SLC6A12: variants seen among roughly 807,000 people sequenced by gnomAD.
The protein encoded by SLC6A12 is solute carrier family 6 member 12.
SLC6A12 carries 50 observed loss-of-function variants against 73.3 expected under a neutral mutation model. That is an observed-to-expected ratio of 0.68 (90% CI 0.54 to 0.86). The LOEUF (loss-of-function observed/expected upper bound fraction) is 0.86. Ranked by LOEUF, SLC6A12 falls within the 40% of genes least tolerant of loss-of-function variation. The pLI is 0.00. For synonymous variants in SLC6A12, 304 were observed against 309.2 expected, an observed-to-expected ratio of 0.98 and a Z score of 0.18; for missense variants, 648 against 772.8, an observed-to-expected ratio of 0.84 and a Z score of 1.92.
At chr12:186,046 G>C (rs1021283434), downstream of SLC6A12, among the ~76,000 whole-genome samples, 9 of 152,210 alleles carry the variant, frequency 5.9e-5, no homozygotes, top group Admixed American at 2.6e-4. Flanking sequence ...CTCACAGCAA[G>C]GACAGGGTGA....
chr12:211,532 A>C (rs1324923794), intron 2 of SLC6A12, among the ~76,000 whole-genome samples: 3 of 152,208 alleles, frequency 2.0e-5, no homozygotes, highest in African/African-American at 7.2e-5. Context: ...GGGAGGAAAG[A>C]GAGCCTCTGG....
At chr12:210,287 C>G (rs148378141) in intron 2 of SLC6A12, 25 of 1,188,702 alleles carry the variant, frequency 2.1e-5, no homozygotes, top group Non-Finnish European at 2.7e-5. Flanking sequence ...GGAGTGGAAC[C>G]GTGATGAAAA....
chr12:204,702 C>T lies in SLC6A12; in HGVS notation c.215-4G>A, dbSNP rs1467834008. The stretch of plus-strand genomic sequence containing the variant: ...AAGTAGGGGATGAAGAAGGCTCCTG[C>T]AGAAGAGAGAGAGGCAGGGCTGAGC... On this transcript the variant is annotated splice_region_variant and splice_polypyrimidine_tract_variant and intron_variant, in intron 3 of 15. Transcript: ENST00000684302. The T allele has an allele frequency of 6.2e-7, 1 of 1,613,892 alleles. No homozygotes were observed. Among genetic ancestry groups the T allele is most frequent in the South Asian group, 1.1e-5 (1 of 91,066 alleles).
At chr12:197,167 A>C in intron 10 of SLC6A12, among the ~76,000 whole-genome samples, 1 of 90,166 alleles carries the variant, frequency 1.1e-5, no homozygotes. Flanking sequence ...CCATCCATCC[A>C]TCCATCCATC....
rs894436039 is a variant in SLC6A12 at position 195,164 on chromosome 12, C to G, written c.1429+61G>C. ...CGGCCTCCCCCAGGCAAAGCCTGCC[C>G]CTGGCTGGCTAGACGGTCTTTCTCC... On this transcript the variant is annotated intron_variant, in intron 13 of 15. Coordinates refer to ENST00000684302, the MANE Select transcript of SLC6A12 (RefSeq NM_001122848.3). The G allele has an allele frequency of 1.0e-5, 11 of 1,083,808 alleles. No homozygotes were observed. In the African/African-American group the frequency reaches 1.4e-4, roughly 14 times the overall value. The allele number at this position is 1,083,808 out of a possible 1,614,324, so 67.1% of individuals were successfully genotyped here.
intron 12 of SLC6A12, 114 bp from the exon 13 acceptor site, chr12:195,441 T>C (rs1009360228): frequency 1.6e-5 from 11 of 694,282 alleles, no homozygotes; most frequent in Non-Finnish European, 2.6e-5. Flanking sequence ...GCCTGTGGGA[T>C]GCCATTCCTT....
intron 10 of SLC6A12, 59 bp downstream of exon 10, chr12:197,318 A>G: frequency 6.5e-7 from 1 of 1,547,826 alleles, no homozygotes; most frequent in Non-Finnish European, 8.7e-7. Flanking sequence ...TCAGCAAGAG[A>G]GAAGTGTGTT....
At chr12:205,314 C>T (rs1940574160) in intron 3 of SLC6A12, among the ~76,000 whole-genome samples, 1 of 152,144 alleles carries the variant, frequency 6.6e-6, no homozygotes, top group African/African-American at 2.4e-5. Flanking sequence ...CAGTAGGAGT[C>T]ACTAAGGCAT....
At chr12:208,749 G>T (rs912615347) in intron 3 of SLC6A12, among the ~76,000 whole-genome samples, 1 of 152,094 alleles carries the variant, frequency 6.6e-6, no homozygotes, top group Non-Finnish European at 1.5e-5. Flanking sequence ...CGGGGATGAT[G>T]AAAATGTTCC....
chr12:193,400 AGT>A (rs1217693865), intron 13 of SLC6A12, 23 bp from the exon 14 acceptor site: 2 of 1,570,622 alleles, frequency 1.3e-6, no homozygotes, highest in Non-Finnish European at 1.8e-6. Context: ...GGCGTGGGAG[AGT>A]GTGAGAGCCA....
At chr12:196,517 C>T (rs536927115) in intron 11 of SLC6A12, among the ~76,000 whole-genome samples, 5 of 152,274 alleles carry the variant, frequency 3.3e-5, no homozygotes, top group East Asian at 1.9e-4. Context: ...CTGGGCAGCT[C>T]GAGCTGAAGG....
At chr12:210,311 T>A (rs1183748410) in intron 2 of SLC6A12, 1 of 1,201,820 alleles carries the variant, frequency 8.3e-7, no homozygotes, top group African/African-American at 1.6e-5. Context: ...AGGCTCGGGC[T>A]TTTCATTTTC....
downstream of SLC6A12, among the ~76,000 whole-genome samples, chr12:187,632 C>A (rs563195): frequency 0.12 from 11,228 of 94,866 alleles, 1,582 homozygotes; most frequent in African/African-American, 0.31. Flanking sequence ...AAAAAAAAAA[C>A]AAACCACACA....
chr12:211,483 C>G (rs929557228), intron 2 of SLC6A12, among the ~76,000 whole-genome samples: 1 of 152,176 alleles, frequency 6.6e-6, no homozygotes, highest in African/African-American at 2.4e-5. Context: ...AATCAGAGGC[C>G]TTGAGTCTCT....
chr12:210,261 C>T (rs1591808167), intron 2 of SLC6A12: 1 of 1,144,420 alleles, frequency 8.7e-7, no homozygotes, highest in Non-Finnish European at 1.2e-6. Context: ...TGAAGTGATT[C>T]ACCCAAGACC....
chr12:187,612 A>AC (rs1939457435), downstream of SLC6A12, among the ~76,000 whole-genome samples: 1 of 16,292 alleles, frequency 6.1e-5, no homozygotes, highest in Non-Finnish European at 5.8e-4. Flanking sequence ...AAAAAAAAAA[A>AC]AAAAAAAAAA....
At chr12:184,488 T>C in the SLC6A12 span, among the ~76,000 whole-genome samples, 12 of 152,160 alleles carry the variant, frequency 7.9e-5, no homozygotes, top group East Asian at 1.2e-3. Context: ...CGGTGGTTCA[T>C]GCCTGTAATC....
intron 7 of SLC6A12, among the ~76,000 whole-genome samples, chr12:200,325 G>A (rs897836387): frequency 5.3e-5 from 8 of 151,760 alleles, no homozygotes; most frequent in East Asian, 1.9e-4. Context: ...AGCCAGGATG[G>A]TCTCGATCTC....
At position 198,313 on chromosome 12, in the gene SLC6A12, C is replaced by T. The variant is rs1940031000; in HGVS notation, c.847-310G>A. Among the ~76,000 whole-genome samples the T allele has an allele frequency of 6.6e-6, 1 of 152,224 alleles. No homozygotes were observed. The highest frequency in any genetic ancestry group is 2.4e-5 in the African/African-American group (1 of 41,450). ...CCAAGGCCTATCTGCAGGGCACAGC[C>T]AGAAGTCACTTGTCTCATTCAACTA... On this transcript the variant is annotated intron_variant, in intron 8 of 15. Coordinates refer to ENST00000684302, the MANE Select transcript of SLC6A12 (RefSeq NM_001122848.3). The surrounding 1 kb of genome is among the most constrained non-coding windows in gnomAD (Gnocchi z 4.0).
Sources: allele counts gnomAD v4.1 joint callset (sites outside exome capture counted in the v4.1 genomes callset), GRCh38; gene constraint gnomAD v4.1.1; non-coding constraint Gnocchi (gnomAD v3.1); transcripts MANE v1.5; gene names NCBI Gene and HGNC (gene_info 2026-07-23, HGNC 2026-07-21).